KRT18: variants seen among roughly 807,000 people sequenced by gnomAD.
KRT18 encodes keratin, type I cytoskeletal 18.
A neutral mutation model predicts 39.9 loss-of-function variants in KRT18; 8 were observed. The ratio of observed to expected loss-of-function variants is 0.20; its 90% CI spans 0.12 to 0.36. The LOEUF (loss-of-function observed/expected upper bound fraction) is 0.36, where lower values mean the gene tolerates loss of function less well. Among genes scored for constraint, KRT18 ranks in the 10% least tolerant of loss-of-function variants. The pLI, the probability that KRT18 is intolerant of heterozygous loss-of-function variation, is 1.00. For missense variants in KRT18, 396 were observed against 565.7 expected (o/e 0.70, Z 3.04); for synonymous variants, 194 against 227.8 (o/e 0.85, Z 1.33).
rs762831521 is a variant in KRT18, at chr12:52,952,243, G to A, written c.1073G>A (p.Arg358His). Reference sequence around the variant, plus strand: ...GCACAGACCCGGGCAGAGGGACAGCGCCAGGCCCAGGAGTATGAGGCCCTG... The same window carrying A: ...GCACAGACCCGGGCAGAGGGACAGCACCAGGCCCAGGAGTATGAGGCCCTG... ...ELAQTRAEGQ[R>H]QAQEYEALLN... is the part of the protein sequence containing the mutation. The change falls in exon 6 of 7, where the codon CGC becomes CAC. Residue 358 changes from arginine to histidine, a missense_variant. Coordinates refer to ENST00000388835, the MANE Select transcript of KRT18 (RefSeq NM_000224.3). 32 of 1,604,434 alleles carry A rather than the reference G, an allele frequency of 2.0e-5. No individual in the cohort carries two copies. Among genetic ancestry groups the A allele is most frequent in the African/African-American group, 4.0e-5 (3 of 74,848 alleles).
At chr12:52,950,061 G>A in intron 1 of KRT18, 1 of 616,362 alleles carries the variant, frequency 1.6e-6, no homozygotes, top group Admixed American at 2.9e-5. Context: ...GGACTTGTTA[G>A]TAGCGACTCA....
Position 52,949,415 on chromosome 12 carries a change from A to G in KRT18, c.242A>G (p.Lys81Arg). ...GGAATGGGAGGCATCCAGAACGAGAAGGAGACCATGCAAAGCCTGAACGAC... is the reference window on the plus strand; with the variant it reads ...GGAATGGGAGGCATCCAGAACGAGAGGGAGACCATGCAAAGCCTGAACGAC... ...LAGMGGIQNE[K>R]ETMQSLNDRL... The change falls in exon 1 of 7, where the codon AAG becomes AGG. Residue 81 changes from lysine (K) to arginine (R), a missense_variant. Lys to Arg is a conservative substitution (Grantham distance 26). Transcript: ENST00000388835. 1 of 1,612,688 alleles carries G rather than the reference A, an allele frequency of 6.2e-7. No individual in the cohort carries two copies.
At position 52,951,653 on chromosome 12, in the gene KRT18, AG is replaced by A; in HGVS notation, c.822+12del. The A allele has an allele frequency of 6.2e-7, 1 of 1,613,434 alleles. No individual in the cohort carries two copies. Among genetic ancestry groups the A allele is most frequent in the Non-Finnish European group, 8.5e-7 (1 of 1,179,960 alleles). On this transcript the variant is annotated intron_variant, in intron 4 of 6. Coordinates refer to ENST00000388835, the MANE Select transcript of KRT18 (RefSeq NM_000224.3). ...AAGTACTGGTCTCAGCAGGTGCGTG[AG>A]GGGAGGGGATGGCTGCCAAGGTGTG...
At chr12:52,950,573 C>A in intron 2 of KRT18, 163 bp downstream of exon 2, 1 of 818,248 alleles carries the variant, frequency 1.2e-6, no homozygotes, top group Non-Finnish European at 2.1e-6. Context: ...TTTGTATAAC[C>A]CCGTTTAAGA....
At position 52,952,149 on chromosome 12, in the gene KRT18, G is replaced by C; in HGVS notation, c.979G>C (p.Val327Leu). The change falls in exon 6 of 7, where the codon GTG becomes CTG. Residue 327 changes from valine (V) to leucine (L), a missense_variant. Coordinates refer to ENST00000388835, the MANE Select transcript of KRT18 (RefSeq NM_000224.3). ...CAGCTTGGAGAACAGCCTGAGGGAG[G>C]TGGAGGCCCGCTACGCCCTACAGAT... ...KASLENSLRE[V>L]EARYALQMEQ... 6.4e-7 allele frequency: 1 copy of C among 1,568,534 alleles called. No individual in the cohort carries two copies. Among genetic ancestry groups the C allele is most frequent in the Non-Finnish European group, 8.6e-7 (1 of 1,156,428 alleles).
chr12:52,952,753 A>G lies in KRT18; in HGVS notation c.1204A>G (p.Met402Val), dbSNP rs746040565. The change falls in exon 7 of 7, where the codon ATG becomes GTG. Residue 402 changes from methionine to valine, a missense_variant. Physicochemically the swap from Met to Val is conservative, Grantham distance 21. Transcript: ENST00000388835. ...TGATGCCTTGGACAGCAGCAACTCC[A>G]TGCAAACCATCCAAAAGACCACCAC... ...LGDALDSSNS[M>V]QTIQKTTTRR... 1 of 1,613,200 alleles carries G rather than the reference A, an allele frequency of 6.2e-7. No individual in the cohort carries two copies. Among genetic ancestry groups the G allele is most frequent in the Non-Finnish European group, 8.5e-7 (1 of 1,179,970 alleles).
In KRT18 at chr12:52,950,315, A is replaced by G. The variant is rs752064793; in HGVS notation, c.418-13A>G. ...TCTATTCATGGAACAACCTCTCTCTACAATCCCTCCAGATCTTCGCAAATA... is the reference window on the plus strand; with the variant it reads ...TCTATTCATGGAACAACCTCTCTCTGCAATCCCTCCAGATCTTCGCAAATA... On this transcript the variant is annotated splice_polypyrimidine_tract_variant and intron_variant, in intron 1 of 6. Coordinates refer to ENST00000388835, the MANE Select transcript of KRT18 (RefSeq NM_000224.3). 3 of 1,581,882 alleles carry G rather than the reference A, an allele frequency of 1.9e-6. No individual in the cohort carries two copies. The South Asian group carries it at 3.3e-5, about 17-fold the overall frequency.
chr12:52,950,692 A>G lies in KRT18; in HGVS notation c.501-58A>G. The G allele has an allele frequency of 1.9e-6, 3 of 1,553,200 alleles. No individual in the cohort carries two copies. In the South Asian group the frequency reaches 3.5e-5, roughly 18 times the overall value. ...AGAACTTCTCTTAGTAGGTGGCATG[A>G]GTTGAGAAGGTTCTGGATCAGAGAT... On this transcript the variant is annotated intron_variant, in intron 2 of 6. Coordinates refer to ENST00000388835, the MANE Select transcript of KRT18 (RefSeq NM_000224.3).
At chr12:52,949,958 A>C (rs927625075) in intron 1 of KRT18, 3 of 615,918 alleles carry the variant, frequency 4.9e-6, no homozygotes, top group Non-Finnish European at 5.8e-6. Flanking sequence ...AGTAAACAAG[A>C]GGCCTTCCTT....
At chr12:52,951,954 T>C in intron 5 of KRT18, 98 bp downstream of exon 5, 1 of 1,481,982 alleles carries the variant, frequency 6.7e-7, no homozygotes, top group Admixed American at 1.7e-5. Context: ...CATGAGTTCC[T>C]TTAGCTCAGA....
At chr12:52,949,644 C>A in intron 1 of KRT18, 54 bp downstream of exon 1, 1 of 1,461,502 alleles carries the variant, frequency 6.8e-7, no homozygotes, top group Non-Finnish European at 9.6e-7. Context: ...TCCAATTATA[C>A]ACTCCTTTGC....
intron 3 of KRT18, among the ~76,000 whole-genome samples, 180 bp downstream of exon 3, chr12:52,951,086 T>G (rs996666508): frequency 6.6e-6 from 1 of 152,206 alleles, no homozygotes; most frequent in Non-Finnish European, 1.5e-5. Context: ...GAGTACACCC[T>G]GGCTCACCTG....
intron 5 of KRT18, 117 bp downstream of exon 5, chr12:52,951,973 G>T: frequency 7.1e-7 from 1 of 1,415,680 alleles, no homozygotes. Flanking sequence ...GAAAGAGTCA[G>T]TTTCCTCTTT....
At position 52,952,208 on chromosome 12, in the gene KRT18, G is replaced by A. The variant is rs576288276; in HGVS notation, c.1038G>A (p.Glu346=). The A allele has an allele frequency of 1.9e-5, 30 of 1,595,460 alleles. No homozygotes were observed. The South Asian group carries it at 2.8e-4, about 15-fold the overall frequency. The change falls in exon 6 of 7, where the codon GAG becomes GAA. Residue 346 remains glutamate, a synonymous_variant. Coordinates refer to ENST00000388835, the MANE Select transcript of KRT18 (RefSeq NM_000224.3). ...TCAACGGGATCCTGCTGCACCTTGA[G>A]TCAGAGCTGGCACAGACCCGGGCAG... The part of the protein sequence containing the change: ...EQLNGILLHL[E]SELAQTRAEG...
Position 52,949,596 on chromosome 12 carries a change from G to A in KRT18, c.417+6G>A. 6.2e-7 allele frequency: 1 copy of A among 1,609,276 alleles called. No homozygotes were observed. The highest frequency in any genetic ancestry group is 8.5e-7 in the Non-Finnish European group (1 of 1,177,138). On this transcript the variant is annotated splice_donor_region_variant and intron_variant, in intron 1 of 6. Transcript: ENST00000388835. ...TCGAGGACCTGAGGGCTCAGGTAAGGGGTAGGAGGGACCTCAACTCCCAGC... is the reference window on the plus strand; with the variant it reads ...TCGAGGACCTGAGGGCTCAGGTAAGAGGTAGGAGGGACCTCAACTCCCAGC...
rs1206645651 is a variant in KRT18, at chr12:52,952,146, G to C, written c.976G>C (p.Glu326Gln). Reference protein sequence around the residue: ...LKASLENSLREVEARYALQME... With the variant: ...LKASLENSLRQVEARYALQME... Reference sequence around the variant, plus strand: ...GGCCAGCTTGGAGAACAGCCTGAGGGAGGTGGAGGCCCGCTACGCCCTACA... The same window carrying C: ...GGCCAGCTTGGAGAACAGCCTGAGGCAGGTGGAGGCCCGCTACGCCCTACA... Residue 326 changes from glutamate (E) to glutamine (Q), a missense_variant, in exon 6 of 7, where the codon GAG becomes CAG. By Grantham distance (29) the Glu-to-Gln change is conservative. Transcript: ENST00000388835. The C allele has an allele frequency of 3.2e-6, 5 of 1,567,642 alleles. No homozygotes were observed.
rs1565738498 is a variant in KRT18 at position 52,950,838 on chromosome 12, C to T, written c.589C>T (p.Leu197=). ...KVIDDTNITR[L]QLETEIEALK... is the part of the protein sequence containing the mutation. ...CATTGATGACACCAATATCACACGACTGCAGCTGGAGACAGAGATCGAGGC... is the reference window on the plus strand; with the variant it reads ...CATTGATGACACCAATATCACACGATTGCAGCTGGAGACAGAGATCGAGGC... The change falls in exon 3 of 7, where the codon CTG becomes TTG. Residue 197 remains leucine (L), a synonymous_variant. Coordinates refer to ENST00000388835, the MANE Select transcript of KRT18 (RefSeq NM_000224.3). 1 of 1,608,786 alleles carries T rather than the reference C, an allele frequency of 6.2e-7. No homozygotes were observed. Among genetic ancestry groups the T allele is most frequent in the Non-Finnish European group, 8.5e-7 (1 of 1,178,360 alleles).
intron 1 of KRT18, 68 bp downstream of exon 1, chr12:52,949,658 T>C (rs1475153870): frequency 7.1e-7 from 1 of 1,403,280 alleles, no homozygotes; most frequent in Admixed American, 1.8e-5. Flanking sequence ...CCTTTGCCTC[T>C]TTCCGTCATT....
Position 52,950,829 on chromosome 12 carries a change from A to G in KRT18, c.580A>G (p.Ile194Val). 3 of 1,609,970 alleles carry G rather than the reference A, an allele frequency of 1.9e-6. No individual in the cohort carries two copies. The highest frequency in any genetic ancestry group is 2.5e-6 in the Non-Finnish European group (3 of 1,178,964). ...CCGCAAGGTCATTGATGACACCAATATCACACGACTGCAGCTGGAGACAGA... is the reference window on the plus strand; with the variant it reads ...CCGCAAGGTCATTGATGACACCAATGTCACACGACTGCAGCTGGAGACAGA... ...GLRKVIDDTN[I>V]TRLQLETEIE... Residue 194 changes from isoleucine to valine, a missense_variant, in exon 3 of 7, where the codon ATC becomes GTC. Ile to Val is a conservative substitution (Grantham distance 29). Coordinates refer to ENST00000388835, the MANE Select transcript of KRT18 (RefSeq NM_000224.3).
Sources: gnomAD v4.1 joint callset for allele counts (sites outside exome capture counted in the v4.1 genomes callset) on GRCh38, gnomAD v4.1.1 for gene constraint, MANE v1.5 for transcripts, NCBI Gene and HGNC (gene_info 2026-07-23, HGNC 2026-07-21) for gene names.